The following SDK1 variants were observed in gnomAD, a reference collection of about 807,000 sequenced individuals.
SDK1 encodes the protein protein sidekick-1.
A neutral mutation model predicts 245.5 loss-of-function variants in SDK1; 157 were observed. That is an observed-to-expected ratio of 0.64 (90% CI 0.56 to 0.73). SDK1 has a LOEUF of 0.73. Ranked by LOEUF, SDK1 falls within the 30% of genes least tolerant of loss-of-function variation. SDK1 has a pLI of 0.00. For missense variants in SDK1, 3,583 were observed against 3,002.3 expected (o/e 1.19, Z -4.52); for synonymous variants, 1,647 against 1,278.5 (o/e 1.29, Z -6.15).
chr7:3,371,995 A>C (rs1044762191), intron 1 of SDK1, among the ~76,000 whole-genome samples: 3 of 152,216 alleles, frequency 2.0e-5, no homozygotes, highest in Non-Finnish European at 4.4e-5. Flanking sequence ...TTGTCTATTA[A>C]ATGCTAGGAA....
chr7:4,120,079 G>A lies in SDK1; in HGVS notation c.3823+5805G>A, dbSNP rs968805871. ...AATTACCAAATTAAAAGCTAGATTTGAGTAAATAACTCTTAAAACAACATA... is the reference window on the plus strand; with the variant it reads ...AATTACCAAATTAAAAGCTAGATTTAAGTAAATAACTCTTAAAACAACATA... On this transcript the variant is annotated intron_variant, in intron 25 of 44. Coordinates refer to ENST00000404826, the MANE Select transcript of SDK1 (RefSeq NM_152744.4). Among the ~76,000 whole-genome samples the A allele has an allele frequency of 1.4e-5, 2 of 147,346 alleles. 1 individual carries two copies. Among genetic ancestry groups the A allele is most frequent in the Non-Finnish European group, 3.0e-5 (2 of 66,134 alleles).
chr7:3,591,969 A>G (rs1262411067), intron 1 of SDK1, among the ~76,000 whole-genome samples: 1 of 152,220 alleles, frequency 6.6e-6, no homozygotes, highest in Admixed American at 6.5e-5. Flanking sequence ...CCGGATACAG[A>G]TGACAAACAA....
At chr7:3,562,007 A>G (rs760761614) in intron 1 of SDK1, among the ~76,000 whole-genome samples, 1 of 152,202 alleles carries the variant, frequency 6.6e-6, no homozygotes, top group African/African-American at 2.4e-5. Context: ...GGAAATAAGC[A>G]TTCATAAATA....
At chr7:4,227,527 T>C (rs971630530) in intron 40 of SDK1, 8 of 455,620 alleles carry the variant, frequency 1.8e-5, no homozygotes, top group African/African-American at 1.2e-4. Context: ...CAAAAAGAAA[T>C]GGCAGTATTT....
intron 9 of SDK1, among the ~76,000 whole-genome samples, chr7:3,963,884 C>G (rs909324981): frequency 6.6e-6 from 1 of 151,054 alleles, no homozygotes; most frequent in East Asian, 2.0e-4. Flanking sequence ...CCGGACATAT[C>G]CAGTGGGTAC....
chr7:3,696,555 C>T (rs1034516524), intron 4 of SDK1, among the ~76,000 whole-genome samples: 1 of 131,622 alleles, frequency 7.6e-6, no homozygotes, highest in Non-Finnish European at 1.6e-5. Flanking sequence ...TCTCACAGAG[C>T]TTACATTTCT....
intron 4 of SDK1, among the ~76,000 whole-genome samples, chr7:3,669,254 G>A (rs1413947877): frequency 6.6e-6 from 1 of 151,950 alleles, no homozygotes; most frequent in Non-Finnish European, 1.5e-5. Flanking sequence ...GGAGCAGAGG[G>A]GATTAAAAAC....
chr7:3,998,184 G>A (rs953920823), intron 14 of SDK1, among the ~76,000 whole-genome samples: 7 of 152,220 alleles, frequency 4.6e-5, no homozygotes, highest in South Asian at 2.1e-4. Flanking sequence ...CATCTGCAGC[G>A]GCACCCCGGG....
At chr7:4,216,211 C>T (rs924189719) in intron 38 of SDK1, among the ~76,000 whole-genome samples, 3 of 152,194 alleles carry the variant, frequency 2.0e-5, no homozygotes, top group Non-Finnish European at 4.4e-5. Context: ...CAACGCCACA[C>T]GATGGAGTGT....
chr7:3,893,534 T>C (rs1781514937), intron 5 of SDK1, among the ~76,000 whole-genome samples: 2 of 152,008 alleles, frequency 1.3e-5, no homozygotes, highest in South Asian at 4.2e-4. Context: ...TCATCCCGTA[T>C]TTCTTCAGGG....
At chr7:3,378,217 G>C (rs912900349) in intron 1 of SDK1, among the ~76,000 whole-genome samples, 1 of 152,120 alleles carries the variant, frequency 6.6e-6, no homozygotes, top group Non-Finnish European at 1.5e-5. Context: ...TGTCTTCCAA[G>C]AGTCCCTCAT....
intron 4 of SDK1, among the ~76,000 whole-genome samples, chr7:3,753,915 T>A (rs953756666): frequency 7.9e-5 from 12 of 152,214 alleles, no homozygotes; most frequent in Non-Finnish European, 2.9e-5. Flanking sequence ...CTCTATAAAA[T>A]AAAATTTTGA....
rs543650594 is a variant in SDK1 at position 3,823,267 on chromosome 7, A to T, written c.847+1684A>T. Among the ~76,000 whole-genome samples the T allele has an allele frequency of 2.4e-4, 36 of 152,340 alleles. No homozygotes were observed. In the South Asian group the frequency reaches 6.8e-3, roughly 29 times the overall value. Reference sequence around the variant, plus strand: ...GATTGTTATTATTTTAATGATTCCAAACTTTACAGGTAGAGCCATTTATCT... The same window carrying T: ...GATTGTTATTATTTTAATGATTCCATACTTTACAGGTAGAGCCATTTATCT... On this transcript the variant is annotated intron_variant, in intron 5 of 44. Coordinates refer to ENST00000404826, the MANE Select transcript of SDK1 (RefSeq NM_152744.4).
chr7:3,386,557 A>C (rs898636425), intron 1 of SDK1, among the ~76,000 whole-genome samples: 8 of 152,192 alleles, frequency 5.3e-5, no homozygotes, highest in African/African-American at 1.9e-4. Context: ...TTCTCTGCTG[A>C]GAGATTCTTG....
chr7:3,876,658 T>G (rs1781085222), intron 5 of SDK1, among the ~76,000 whole-genome samples: 1 of 152,224 alleles, frequency 6.6e-6, no homozygotes, highest in African/African-American at 2.4e-5. Context: ...AATACAATAC[T>G]ATAGTAGACC....
chr7:4,233,992 A>G (rs1785979057), intron 41 of SDK1, among the ~76,000 whole-genome samples: 2 of 152,218 alleles, frequency 1.3e-5, no homozygotes, highest in African/African-American at 4.8e-5. Context: ...ATCATTCGCA[A>G]GGAAAGCAGA....
At chr7:4,001,862 G>C (rs544074555) in intron 14 of SDK1, among the ~76,000 whole-genome samples, 1 of 152,166 alleles carries the variant, frequency 6.6e-6, no homozygotes, top group African/African-American at 2.4e-5. Context: ...TGTCACTCCT[G>C]TGGCCTCTGT....
chr7:3,801,910 C>T (rs569847689), intron 4 of SDK1, among the ~76,000 whole-genome samples: 2 of 152,186 alleles, frequency 1.3e-5, no homozygotes, highest in Admixed American at 1.3e-4. Context: ...TCTCTGCTGA[C>T]CAGCTGGAGG....
At position 3,328,513 on chromosome 7, in the gene SDK1, C is replaced by T. The variant is rs187901122; in HGVS notation, c.298+26629C>T. Among the ~76,000 whole-genome samples, 180 of 151,974 alleles carry T rather than the reference C, an allele frequency of 1.2e-3. 2 individuals carry two copies. Among genetic ancestry groups the T allele is most frequent in the African/African-American group, 4.2e-3 (175 of 41,496 alleles). ...GGCAGTATGATTTCTAAAATATTTA[C>T]TTATATATATAAAAAAACTTGGTTA... On this transcript the variant is annotated intron_variant, in intron 1 of 44. Coordinates refer to ENST00000404826, the MANE Select transcript of SDK1 (RefSeq NM_152744.4).
Sources: allele counts gnomAD v4.1 joint callset (sites outside exome capture counted in the v4.1 genomes callset), GRCh38; gene constraint gnomAD v4.1.1; transcripts MANE v1.5; gene names NCBI Gene and HGNC (gene_info 2026-07-23, HGNC 2026-07-21).